Variants in HTR2A observed in about 807,000 individuals in gnomAD.
HTR2A encodes 5-hydroxytryptamine receptor 2A, also known as 5-HT2 receptor.
A neutral mutation model predicts 31.0 loss-of-function variants in HTR2A; 14 were observed. That is an observed-to-expected ratio of 0.45 (90% confidence interval 0.30 to 0.71). The LOEUF is 0.71. HTR2A is among the 30% of genes least tolerant of loss of function. The probability of loss-of-function intolerance (pLI) is 0.09; values close to 1 mark genes in which losing one functional copy is unlikely to be tolerated. For synonymous variants in HTR2A, 209 were observed against 225.2 expected (o/e 0.93, Z 0.64); for missense variants, 442 against 573.3 (o/e 0.77, Z 2.34).
Position 46,832,857 on chromosome 13 carries a change from T to C in HTR2A, c.*1980A>G, listed in dbSNP as rs532074960. 6 of 152,302 alleles carry C rather than the reference T, an allele frequency of 3.9e-5. No individual in the cohort carries two copies. The highest frequency in any genetic ancestry group is 1.3e-4 in the Admixed American group (2 of 15,290). The allele number at this position is 152,302 out of a possible 1,614,324, so 9.4% of individuals were successfully genotyped here. A position where few individuals can be genotyped will look rare whatever the true frequency, so the allele number is the denominator to read the frequency against. ...AGGGCAAACACTATTTCTCATTCAA[T>C]AGAAATGCTTCAGCATTGTAATCAT... On this transcript the variant is annotated 3_prime_UTR_variant, in exon 4 of 4. Coordinates refer to ENST00000542664, the MANE Select transcript of HTR2A (RefSeq NM_000621.5).
At chr13:46,854,707 G>A (rs1157697706) in intron 3 of HTR2A, among the ~76,000 whole-genome samples, 1 of 152,132 alleles carries the variant, frequency 6.6e-6, no homozygotes, top group Non-Finnish European at 1.5e-5. Flanking sequence ...AGACTCCTAG[G>A]CACAGAGATG....
chr13:46,851,062 T>C (rs1950680850), intron 3 of HTR2A, among the ~76,000 whole-genome samples: 1 of 152,168 alleles, frequency 6.6e-6, no homozygotes. Flanking sequence ...TGTGACTACG[T>C]ACATTTTTCA....
At chr13:46,868,411 T>G (rs1377647278) in intron 3 of HTR2A, among the ~76,000 whole-genome samples, 1 of 152,216 alleles carries the variant, frequency 6.6e-6, no homozygotes. Flanking sequence ...AGTAAAACTA[T>G]TCAGAAGTTC....
Position 46,896,216 on chromosome 13 carries a change from GC to G in HTR2A, c.-311del, listed in dbSNP as rs1951103996. ...AGAGGTTGCAGGGTTTTTTTTGAGC[GC>G]TCGGGAAGATAAATGTCCTGGACAA... On this transcript the variant is annotated 5_prime_UTR_variant, in exon 2 of 4. An upstream open reading frame in the 5' UTR gains an earlier in-frame stop. Transcript: ENST00000542664. The G allele has an allele frequency of 8.7e-7, 1 of 1,149,466 alleles. No individual in the cohort carries two copies. The highest frequency in any genetic ancestry group is 1.1e-6 in the Non-Finnish European group (1 of 936,682). 71.2% of individuals were successfully genotyped at this position (1,149,466 alleles called of 1,614,324 possible).
rs563119983 is a variant in HTR2A at position 46,888,601 on chromosome 13, T to C, written c.613+3789A>G. 6.6e-5 allele frequency among the ~76,000 whole-genome samples: 10 copies of C among 152,230 alleles called. No homozygotes were observed. The East Asian group carries it at 1.9e-3, about 29-fold the overall frequency. On this transcript the variant is annotated intron_variant, in intron 3 of 3. Coordinates refer to ENST00000542664, the MANE Select transcript of HTR2A (RefSeq NM_000621.5). ...GACATGATATTCTAGAGGAAATTCT[T>C]CAGGAATGAGGAACCCAGGCAAAAT...
intron 3 of HTR2A, among the ~76,000 whole-genome samples, chr13:46,865,129 G>C (rs1270707508): frequency 6.6e-6 from 1 of 152,082 alleles, no homozygotes; most frequent in Non-Finnish European, 1.5e-5. Flanking sequence ...TCCGGATCTT[G>C]GTGAATCACC....
intron 3 of HTR2A, among the ~76,000 whole-genome samples, chr13:46,851,490 AT>A: frequency 6.6e-6 from 1 of 152,354 alleles, no homozygotes; most frequent in Admixed American, 6.5e-5. Context: ...AAATGGGAGC[AT>A]TTATTAGAAT....
At chr13:46,847,733 C>T (rs1320284620) in intron 3 of HTR2A, among the ~76,000 whole-genome samples, 2 of 152,156 alleles carry the variant, frequency 1.3e-5, no homozygotes, top group Non-Finnish European at 2.9e-5. Context: ...TACCACGAGG[C>T]CCAAACAACT....
At chr13:46,839,064 T>C (rs1015250497) in intron 3 of HTR2A, among the ~76,000 whole-genome samples, 2 of 151,364 alleles carry the variant, frequency 1.3e-5, no homozygotes, top group African/African-American at 2.4e-5. Flanking sequence ...TGCACTGAAA[T>C]AGAGAATCCC....
chr13:46,890,173 G>T (rs534918574), intron 3 of HTR2A, among the ~76,000 whole-genome samples: 22 of 152,182 alleles, frequency 1.4e-4, no homozygotes, highest in Non-Finnish European at 2.9e-4. Context: ...GAGAAACCTT[G>T]TCTCTACTAA....
chr13:46,885,443 C>T (rs1268770458), intron 3 of HTR2A, among the ~76,000 whole-genome samples: 3 of 152,148 alleles, frequency 2.0e-5, no homozygotes, highest in Non-Finnish European at 4.4e-5. Flanking sequence ...GAAAGGGAAA[C>T]TGGATAATGG....
intron 3 of HTR2A, among the ~76,000 whole-genome samples, chr13:46,849,161 C>T (rs1950664180): frequency 1.3e-5 from 2 of 152,222 alleles, no homozygotes; most frequent in Non-Finnish European, 2.9e-5. Flanking sequence ...AGATACACAG[C>T]TTAAAAACTT....
chr13:46,842,852 G>A (rs1209639165), intron 3 of HTR2A, among the ~76,000 whole-genome samples: 1 of 152,164 alleles, frequency 6.6e-6, no homozygotes, highest in Non-Finnish European at 1.5e-5. Flanking sequence ...TCAGTAGCTT[G>A]CTTGGTATAC....
At chr13:46,847,192 T>C (rs1395739958) in intron 3 of HTR2A, among the ~76,000 whole-genome samples, 1 of 152,230 alleles carries the variant, frequency 6.6e-6, no homozygotes, top group Non-Finnish European at 1.5e-5. Context: ...CGGCATGATT[T>C]GTAGCTGCTG....
intron 3 of HTR2A, among the ~76,000 whole-genome samples, chr13:46,840,737 C>A (rs768381350): frequency 6.6e-6 from 1 of 152,162 alleles, no homozygotes; most frequent in Non-Finnish European, 1.5e-5. Context: ...AGGTTTTTAA[C>A]ATTGGCTTCA....
At chr13:46,836,717 A>G (rs747776318) in intron 3 of HTR2A, among the ~76,000 whole-genome samples, 10 of 152,150 alleles carry the variant, frequency 6.6e-5, no homozygotes, top group Non-Finnish European at 1.3e-4. Flanking sequence ...CATCCCTCCC[A>G]TGTTATTATG....
chr13:46,834,644 C>G lies in HTR2A; in HGVS notation c.*193G>C. Reference sequence around the variant, plus strand: ...AGAAAGCTCACAGCTGAAATGCTGTCAGAACATTTTCCAAGCACACATTTT... The same window carrying G: ...AGAAAGCTCACAGCTGAAATGCTGTGAGAACATTTTCCAAGCACACATTTT... On this transcript the variant is annotated 3_prime_UTR_variant, in exon 4 of 4. Coordinates refer to ENST00000542664, the MANE Select transcript of HTR2A (RefSeq NM_000621.5). The G allele has an allele frequency of 1.9e-6, 1 of 539,132 alleles. No individual in the cohort carries two copies. The highest frequency in any genetic ancestry group is 3.3e-6 in the Non-Finnish European group (1 of 307,346). 33.4% of individuals were successfully genotyped at this position (539,132 alleles called of 1,614,324 possible).
chr13:46,883,101 A>G (rs997124750), intron 3 of HTR2A, among the ~76,000 whole-genome samples: 2 of 152,262 alleles, frequency 1.3e-5, no homozygotes, highest in African/African-American at 4.8e-5. Context: ...ATAGAAAATA[A>G]AAACATAACA....
rs1466041639 is a variant in HTR2A, at chr13:46,885,804, T to C, written c.613+6586A>G. Among the ~76,000 whole-genome samples, 6 of 152,350 alleles carry C rather than the reference T, an allele frequency of 3.9e-5. No homozygotes were observed. The East Asian group carries it at 9.6e-4, about 24-fold the overall frequency. The stretch of plus-strand genomic sequence containing the variant: ...AAGTGAAAGACGTTACTGCATTGTT[T>C]TAGATTATATTGCCATGACTGTTTA... On this transcript the variant is annotated intron_variant, in intron 3 of 3. Coordinates refer to ENST00000542664, the MANE Select transcript of HTR2A (RefSeq NM_000621.5).
Sources: allele counts gnomAD v4.1 joint callset (sites outside exome capture counted in the v4.1 genomes callset), GRCh38; gene constraint gnomAD v4.1.1; transcripts MANE v1.5; gene names NCBI Gene and HGNC (gene_info 2026-07-23, HGNC 2026-07-21).